PCDHGA2: variants seen among roughly 807,000 people sequenced by gnomAD.
The protein encoded by PCDHGA2 is protocadherin gamma subfamily A, 2.
Under a neutral mutation model 59.2 loss-of-function variants are expected in PCDHGA2, and 40 were observed. That is an observed-to-expected ratio of 0.68 (90% CI 0.52 to 0.88). The LOEUF (loss-of-function observed/expected upper bound fraction) is 0.88. PCDHGA2 is among the 40% of genes least tolerant of loss of function. The pLI is 0.00. For missense variants in PCDHGA2, 1,226 were observed against 1,204.0 expected, an observed-to-expected ratio of 1.02 and a Z score of -0.27; for synonymous variants, 560 against 526.0, an observed-to-expected ratio of 1.06 and a Z score of -0.89.
chr5:141,352,443 G>A (rs1243553621), intron 1 of PCDHGA2: 1 of 1,613,910 alleles, frequency 6.2e-7, no homozygotes, highest in African/African-American at 1.3e-5. Context: ...ACCGGTCTCT[G>A]CTCCAAGTCT....
intron 1 of PCDHGA2, chr5:141,361,539 C>G (rs754978831): frequency 3.1e-6 from 5 of 1,614,028 alleles, no homozygotes; most frequent in Non-Finnish European, 4.2e-6. Flanking sequence ...ATCCTCCTGG[C>G]GCCTCTATCG....
chr5:141,431,147 G>A lies in PCDHGA2; in HGVS notation c.2425-63660G>A, dbSNP rs1303502732. ...AGAAGTAAGGGACATTAACGACAAT[G>A]CGCCTTACTTTCGTGAAAGTGAATT... On this transcript the variant is annotated intron_variant, in intron 1 of 3. Coordinates refer to ENST00000394576, the MANE Select transcript of PCDHGA2 (RefSeq NM_018915.4). The surrounding 1 kb of genome is among the most constrained non-coding windows in gnomAD (Gnocchi z 4.8). 6.2e-7 allele frequency: 1 copy of A among 1,614,228 alleles called. No homozygotes were observed. The highest frequency in any genetic ancestry group is 1.7e-5 in the Admixed American group (1 of 60,030).
intron 1 of PCDHGA2, among the ~76,000 whole-genome samples, chr5:141,436,424 T>C (rs2154557109): frequency 6.6e-6 from 1 of 152,322 alleles, no homozygotes; most frequent in Middle Eastern, 3.4e-3. Context: ...AAACAAATAA[T>C]GTACTCTGGG....
rs375487349 is a variant in PCDHGA2 at position 141,383,260 on chromosome 5, G to A, written c.2424+41865G>A. The A allele has an allele frequency of 7.3e-5, 118 of 1,613,782 alleles. 1 individual carries two copies. In the East Asian group the frequency reaches 2.5e-3, roughly 35 times the overall value. On this transcript the variant is annotated intron_variant, in intron 1 of 3. Coordinates refer to ENST00000394576, the MANE Select transcript of PCDHGA2 (RefSeq NM_018915.4). The stretch of plus-strand genomic sequence containing the variant: ...TAAAATGAATCTTTACCCTATAGAC[G>A]TGGAAATAATAGATATTAATGACAA...
chr5:141,351,760 C>T (rs1758809772), intron 1 of PCDHGA2: 1 of 1,613,598 alleles, frequency 6.2e-7, no homozygotes. Flanking sequence ...TGTTGTCCTA[C>T]GTGTCCGTGA....
At chr5:141,498,581 C>A (rs1281809549) in intron 2 of PCDHGA2, among the ~76,000 whole-genome samples, 1 of 152,104 alleles carries the variant, frequency 6.6e-6, no homozygotes, top group East Asian at 1.9e-4. Flanking sequence ...GTATTGAGTT[C>A]TTCAGTAAAC....
chr5:141,417,875 G>A, intron 1 of PCDHGA2: 1 of 1,556,360 alleles, frequency 6.4e-7, no homozygotes, highest in South Asian at 1.2e-5. Flanking sequence ...AGGGAGCTGC[G>A]CGCAGAGGCG....
intron 1 of PCDHGA2, chr5:141,440,921 G>C (rs1213425379): frequency 6.6e-6 from 1 of 152,260 alleles, no homozygotes; most frequent in Non-Finnish European, 1.5e-5. Context: ...TGTGCTGAGA[G>C]TGAGGGCCAC....
intron 1 of PCDHGA2, chr5:141,356,136 T>C (rs1279455399): frequency 1.2e-6 from 2 of 1,613,734 alleles, no homozygotes; most frequent in South Asian, 1.1e-5. Context: ...ATGAGGACTC[T>C]GGATTCTATG....
chr5:141,409,781 G>A lies in PCDHGA2; in HGVS notation c.2424+68386G>A, dbSNP rs753415525. On this transcript the variant is annotated intron_variant, in intron 1 of 3. Transcript: ENST00000394576. ...CGCCTTTGATCACGAGCAGCTGCGC[G>A]CCTTCGCGCTCACGCTGCAGGCCCG... is the stretch of plus-strand genomic sequence containing the variant. The A allele has an allele frequency of 8.7e-6, 14 of 1,612,178 alleles. No individual in the cohort carries two copies. The highest frequency in any genetic ancestry group is 6.7e-5 in the Admixed American group (4 of 59,882).
At chr5:141,372,516 A>C in intron 1 of PCDHGA2, 1 of 1,613,902 alleles carries the variant, frequency 6.2e-7, no homozygotes, top group Non-Finnish European at 8.5e-7. Context: ...CCTCGCGGTG[A>C]TTCTGGCAAT....
chr5:141,382,744 A>G (rs767790688), intron 1 of PCDHGA2: 6 of 592,898 alleles, frequency 1.0e-5, no homozygotes, highest in Non-Finnish European at 1.7e-5. Context: ...GAAACGACAG[A>G]TTGCGATAAG....
At chr5:141,456,700 C>T (rs1420857227) in intron 1 of PCDHGA2, among the ~76,000 whole-genome samples, 1 of 152,060 alleles carries the variant, frequency 6.6e-6, no homozygotes, top group Admixed American at 6.6e-5. Flanking sequence ...CGTGGTGGCT[C>T]GCGCCTGTAA....
chr5:141,454,898 C>T (rs1426884791), intron 1 of PCDHGA2, among the ~76,000 whole-genome samples: 1 of 147,834 alleles, frequency 6.8e-6, no homozygotes, highest in Non-Finnish European at 1.5e-5. Flanking sequence ...AGCACCGCCT[C>T]CCGGGTTCAC....
rs778209794 is a variant in PCDHGA2 at position 141,408,298 on chromosome 5, G to C, written c.2424+66903G>C. The C allele has an allele frequency of 4.3e-6, 7 of 1,613,586 alleles. No homozygotes were observed. The Admixed American group carries it at 5.0e-5, about 12-fold the overall frequency. ...TGTTCTACCCCACCCTGAGTGAGCCGATCCGCTACTCGATTCCGGAGGAGC... is the reference window on the plus strand; with the variant it reads ...TGTTCTACCCCACCCTGAGTGAGCCCATCCGCTACTCGATTCCGGAGGAGC... On this transcript the variant is annotated intron_variant, in intron 1 of 3. Coordinates refer to ENST00000394576, the MANE Select transcript of PCDHGA2 (RefSeq NM_018915.4).
At chr5:141,391,258 T>C (rs1419386522) in intron 1 of PCDHGA2, 3 of 152,182 alleles carry the variant, frequency 2.0e-5, no homozygotes, top group African/African-American at 7.2e-5. Context: ...ACTGCTTCAG[T>C]TAATGGCCAC....
chr5:141,477,779 A>C lies in PCDHGA2; in HGVS notation c.2425-17028A>C. ...CCTAGCCACCAACATCAGCGTGAAC[A>C]TATTTGTCACTGATCGCAATGACAA... is the stretch of plus-strand genomic sequence containing the variant. On this transcript the variant is annotated intron_variant, in intron 1 of 3. Transcript: ENST00000394576. The surrounding 1 kb of genome is among the most constrained non-coding windows in gnomAD (Gnocchi z 4.9). 1.2e-6 allele frequency: 2 copies of C among 1,614,012 alleles called. No individual in the cohort carries two copies. Among genetic ancestry groups the C allele is most frequent in the Non-Finnish European group, 1.7e-6 (2 of 1,180,020 alleles).
chr5:141,486,745 C>T lies in PCDHGA2; in HGVS notation c.2425-8062C>T, dbSNP rs1167986336. On this transcript the variant is annotated intron_variant, in intron 1 of 3. Coordinates refer to ENST00000394576, the MANE Select transcript of PCDHGA2 (RefSeq NM_018915.4). This position sits in a 1 kb window ranked among gnomAD's most constrained non-coding sequence, Gnocchi z 5.0. ...CTGTTCATGCTACTCGATCCTTTGA[C>T]TATGAGCAAACCCAGACACTGCAGT... 3.1e-6 allele frequency: 5 copies of T among 1,614,226 alleles called. No homozygotes were observed. The highest frequency in any genetic ancestry group is 3.4e-6 in the Non-Finnish European group (4 of 1,180,044).
chr5:141,405,339 A>T (rs980651625), intron 1 of PCDHGA2: 12 of 1,614,060 alleles, frequency 7.4e-6, no homozygotes, highest in Non-Finnish European at 1.0e-5. Context: ...GTCTCTGTTG[A>T]TTCCAAGTTT....
Sources: gnomAD v4.1 joint callset for allele counts (sites outside exome capture counted in the v4.1 genomes callset) on GRCh38, gnomAD v4.1.1 for gene constraint, Gnocchi (gnomAD v3.1) non-coding constraint, MANE v1.5 for transcripts, NCBI Gene and HGNC (gene_info 2026-07-23, HGNC 2026-07-21) for gene names.